MDM4: variants seen among roughly 807,000 people sequenced by gnomAD.
MDM4 encodes MDM4 regulator of p53.
In MDM4, 2 loss-of-function variants were observed where a neutral mutation model predicts 60.2. The observed-to-expected ratio is 0.03, with a 90% confidence interval of 0.01 to 0.10. MDM4 has a LOEUF of 0.10. MDM4 is among the 10% of genes least tolerant of loss of function. The pLI is 1.00. For missense variants in MDM4, 447 were observed against 577.5 expected, an observed-to-expected ratio of 0.77 and a Z score of 2.32; for synonymous variants, 202 against 198.1, an observed-to-expected ratio of 1.02 and a Z score of -0.17.
At chr1:204,530,553 C>A (rs1358052742) in intron 3 of MDM4, 131 bp from the exon 4 acceptor site, 1 of 1,206,500 alleles carries the variant, frequency 8.3e-7, no homozygotes, top group Non-Finnish European at 1.2e-6. Context: ...GGACCCCTTA[C>A]ACAAACTTTG....
At position 204,553,922 on chromosome 1, in the gene MDM4, A is replaced by G. The variant is rs74140717; in HGVS notation, c.*4240A>G. 1 of 224,760 alleles carries G rather than the reference A, an allele frequency of 4.4e-6. No homozygotes were observed. Among genetic ancestry groups the G allele is most frequent in the African/African-American group, 2.2e-5 (1 of 45,026 alleles). The allele number at this position is 224,760 out of a possible 1,614,324, so 13.9% of individuals were successfully genotyped here. A position where few individuals can be genotyped will look rare whatever the true frequency, so the allele number is the denominator to read the frequency against. ...TTGTACAATGGATTGGAGTTGAGCCATGCCAGCCTCCACACTGCCACTAAC... is the reference window on the plus strand; with the variant it reads ...TTGTACAATGGATTGGAGTTGAGCCGTGCCAGCCTCCACACTGCCACTAAC... On this transcript the variant is annotated 3_prime_UTR_variant, in exon 11 of 11. Coordinates refer to ENST00000367182, the MANE Select transcript of MDM4 (RefSeq NM_002393.5).
Position 204,549,245 on chromosome 1 carries a change from A to G in MDM4, c.1036A>G (p.Ile346Val), listed in dbSNP as rs997328622. 9 of 1,614,046 alleles carry G rather than the reference A, an allele frequency of 5.6e-6. No homozygotes were observed. In the African/African-American group the frequency reaches 1.1e-4, roughly 19 times the overall value. Reference protein sequence around the residue: ...KLTHSLSTSDITAIPEKENEG... With the variant: ...KLTHSLSTSDVTAIPEKENEG... ...AACCCATTCTCTCTCCACGTCTGAT[A>G]TCACTGCCATACCTGAAAAGGAAAA... is the stretch of plus-strand genomic sequence containing the variant. The change falls in exon 11 of 11, where the codon ATC (isoleucine) becomes GTC (valine). Residue 346 changes from isoleucine to valine, a missense_variant. Ile to Val is a conservative substitution (Grantham distance 29, BLOSUM62 3). This residue lies in a region of MDM4 where 117 missense variants were observed against 114.5 expected (regional missense o/e 1.02). Transcript: ENST00000367182.
At chr1:204,524,738 T>C (rs1659941728) in intron 1 of MDM4, among the ~76,000 whole-genome samples, 1 of 152,242 alleles carries the variant, frequency 6.6e-6, no homozygotes, top group Admixed American at 6.5e-5. Flanking sequence ...GATTGCGCCA[T>C]TGCGCTTCAG....
chr1:204,534,761 G>C lies in MDM4; in HGVS notation c.343+2515G>C, dbSNP rs557239073. 2.0e-5 allele frequency among the ~76,000 whole-genome samples: 3 copies of C among 152,202 alleles called. No individual in the cohort carries two copies. The East Asian group carries it at 5.8e-4, about 29-fold the overall frequency. On this transcript the variant is annotated intron_variant, in intron 5 of 10. Coordinates refer to ENST00000367182, the MANE Select transcript of MDM4 (RefSeq NM_002393.5). The stretch of plus-strand genomic sequence containing the variant: ...CCTTCTTCGGCCTCCCAAAGTGTTG[G>C]GATGACAGGCGTGAGCCACCATGCG...
chr1:204,551,422 C>G lies in MDM4; in HGVS notation c.*1740C>G, dbSNP rs1327993944. ...GCCTCTGGAGCTGCTTACACCAAGGCAATACGCCTTGATATACTGGATGGT... is the reference window on the plus strand; with the variant it reads ...GCCTCTGGAGCTGCTTACACCAAGGGAATACGCCTTGATATACTGGATGGT... On this transcript the variant is annotated 3_prime_UTR_variant, in exon 11 of 11. Coordinates refer to ENST00000367182, the MANE Select transcript of MDM4 (RefSeq NM_002393.5). The G allele has an allele frequency of 4.6e-6, 1 of 218,560 alleles. No homozygotes were observed. The highest frequency in any genetic ancestry group is 8.9e-6 in the Non-Finnish European group (1 of 112,922). 13.5% of individuals were successfully genotyped at this position (218,560 alleles called of 1,614,324 possible).
intron 1 of MDM4, chr1:204,525,248 A>T (rs2102311943): frequency 1.3e-6 from 1 of 797,364 alleles, no homozygotes; most frequent in Non-Finnish European, 1.5e-6. Context: ...TGAAACTGTT[A>T]CTGTTTCAGC....
chr1:204,537,804 G>T, intron 6 of MDM4: 1 of 616,978 alleles, frequency 1.6e-6, no homozygotes, highest in Non-Finnish European at 3.0e-6. Flanking sequence ...ATTTTAATAG[G>T]CGTGTTGCAG....
At chr1:204,533,015 G>A (rs993282819) in intron 5 of MDM4, among the ~76,000 whole-genome samples, 3 of 152,184 alleles carry the variant, frequency 2.0e-5, no homozygotes, top group South Asian at 2.1e-4. Flanking sequence ...TAATCTGTGG[G>A]CTCAGGTGGT....
intron 7 of MDM4, 109 bp downstream of exon 7, chr1:204,538,417 C>T: frequency 1.5e-6 from 1 of 670,986 alleles, no homozygotes; most frequent in South Asian, 1.8e-5. Context: ...CACAATTTCT[C>T]ATCCTTTTCT....
chr1:204,527,043 C>T (rs561040336), intron 3 of MDM4, among the ~76,000 whole-genome samples: 1 of 151,888 alleles, frequency 6.6e-6, no homozygotes, highest in East Asian at 1.9e-4. Flanking sequence ...GCCTGCAATC[C>T]CAGTATTTTG....
chr1:204,518,589 G>T (rs931325185), intron 1 of MDM4, among the ~76,000 whole-genome samples: 1 of 152,302 alleles, frequency 6.6e-6, no homozygotes, highest in African/African-American at 2.4e-5. Context: ...GTAGTATATG[G>T]TGTGTGAATG....
At chr1:204,527,956 A>G (rs1660391492) in intron 3 of MDM4, among the ~76,000 whole-genome samples, 2 of 151,782 alleles carry the variant, frequency 1.3e-5, no homozygotes, top group Admixed American at 1.3e-4. Flanking sequence ...ATCTGGAGGC[A>G]TTTCTGATTT....
intron 7 of MDM4, among the ~76,000 whole-genome samples, chr1:204,539,899 G>T (rs904737465): frequency 6.6e-6 from 1 of 152,100 alleles, no homozygotes; most frequent in Non-Finnish European, 1.5e-5. Context: ...ATGACAGGTT[G>T]CAGTGAAAAC....
Position 204,549,581 on chromosome 1 carries a change from G to A in MDM4, c.1372G>A (p.Val458Ile). 5.6e-6 allele frequency: 9 copies of A among 1,613,542 alleles called. No individual in the cohort carries two copies. Among genetic ancestry groups the A allele is most frequent in the Non-Finnish European group, 7.6e-6 (9 of 1,179,912 alleles). ...TATTCATGGAAGGACGGGCCATCTTGTCACTTGTTTTCACTGTGCCAGAAG... is the reference window on the plus strand; with the variant it reads ...TATTCATGGAAGGACGGGCCATCTTATCACTTGTTTTCACTGTGCCAGAAG... The part of the protein sequence containing the change: ...NIIHGRTGHL[V>I]TCFHCARRLK... The change falls in exon 11 of 11, where the codon GTC becomes ATC. Residue 458 changes from valine to isoleucine, a missense_variant. Around this residue, in one of 8 missense-constraint regions of MDM4, gnomAD observed 26 missense variants for 70.0 expected, o/e 0.37. Coordinates refer to ENST00000367182, the MANE Select transcript of MDM4 (RefSeq NM_002393.5).
intron 4 of MDM4, 152 bp from the exon 5 acceptor site, chr1:204,532,039 A>G (rs1371565092): frequency 1.9e-6 from 1 of 530,762 alleles, no homozygotes; most frequent in Non-Finnish European, 3.3e-6. Context: ...AATAATTAAA[A>G]ACTGTTCTGG....
intron 3 of MDM4, chr1:204,529,717 A>G: frequency 1.9e-6 from 1 of 526,376 alleles, no homozygotes; most frequent in Non-Finnish European, 3.4e-6. Context: ...CGTCACACAC[A>G]GGCAAGGGGT....
In MDM4 at chr1:204,557,479, T is replaced by A; in HGVS notation, c.*7797T>A. On this transcript the variant is annotated 3_prime_UTR_variant, in exon 11 of 11. Transcript: ENST00000367182. ...ATGCAGTGGCGCAATCTTGGTTCAC[T>A]GCAACCCCCGCCTCCTGGGTTCAAG... The A allele has an allele frequency of 5.7e-6, 1 of 174,902 alleles. No homozygotes were observed. The highest frequency in any genetic ancestry group is 2.3e-3 in the Middle Eastern group (1 of 442). 10.8% of individuals were successfully genotyped at this position (174,902 alleles called of 1,614,324 possible).
intron 1 of MDM4, among the ~76,000 whole-genome samples, chr1:204,519,944 AAG>A (rs1437689990): frequency 6.6e-6 from 1 of 152,116 alleles, no homozygotes; most frequent in Non-Finnish European, 1.5e-5. Context: ...AGAACAAAGA[AAG>A]AGAAAAATAT....
Position 204,551,596 on chromosome 1 carries a change from G to A in MDM4, c.*1914G>A, listed in dbSNP as rs1663212011. On this transcript the variant is annotated 3_prime_UTR_variant, in exon 11 of 11. Transcript: ENST00000367182. The stretch of plus-strand genomic sequence containing the variant: ...TTTTAGGACAACACATATGGAAATT[G>A]GACATCTTTAAGTTGGTTTCCATAG... 4.5e-6 allele frequency: 1 copy of A among 221,510 alleles called. No individual in the cohort carries two copies. Among genetic ancestry groups the A allele is most frequent in the African/African-American group, 2.3e-5 (1 of 43,766 alleles). The allele number at this position is 221,510 out of a possible 1,614,324, so 13.7% of individuals were successfully genotyped here.
Sources: allele counts gnomAD v4.1 joint callset (sites outside exome capture counted in the v4.1 genomes callset), GRCh38; gene constraint gnomAD v4.1.1; regional missense constraint gnomAD v4.1.1; transcripts MANE v1.5; gene names NCBI Gene and HGNC (gene_info 2026-07-23, HGNC 2026-07-21).